The following CCDC13 variants were observed in gnomAD, a reference collection of about 807,000 sequenced individuals.
CCDC13 encodes coiled-coil domain-containing protein 13.
Under a neutral mutation model 87.3 loss-of-function variants are expected in CCDC13, and 70 were observed. The observed-to-expected ratio is 0.80, with a 90% CI of 0.66 to 0.98. The LOEUF (loss-of-function observed/expected upper bound fraction) is 0.98. CCDC13 is among the 50% of genes least tolerant of loss of function. The probability of loss-of-function intolerance (pLI) is 0.00; values close to 1 mark genes in which losing one functional copy is unlikely to be tolerated. For missense variants in CCDC13, 842 were observed against 892.0 expected (o/e 0.94, Z 0.71); for synonymous variants, 317 against 360.3 (o/e 0.88, Z 1.36).
chr3:42,719,744 T>A (rs1169096953), intron 13 of CCDC13, among the ~76,000 whole-genome samples: 1 of 152,198 alleles, frequency 6.6e-6, no homozygotes, highest in African/African-American at 2.4e-5. Flanking sequence ...TGCTTTCTCT[T>A]TTCACAATGG....
chr3:42,734,197 G>A (rs1471023353), intron 10 of CCDC13, among the ~76,000 whole-genome samples: 1 of 152,188 alleles, frequency 6.6e-6, no homozygotes, highest in African/African-American at 2.4e-5. Flanking sequence ...CCACCAGAGT[G>A]GACAACCGGT....
At chr3:42,715,412 C>T (rs1698408782) in intron 13 of CCDC13, among the ~76,000 whole-genome samples, 2 of 152,024 alleles carry the variant, frequency 1.3e-5, no homozygotes, top group Non-Finnish European at 1.5e-5. Flanking sequence ...AGTTCAAGAC[C>T]AGTCTAGACA....
At chr3:42,736,788 C>T (rs1052407098) in intron 9 of CCDC13, among the ~76,000 whole-genome samples, 1 of 152,140 alleles carries the variant, frequency 6.6e-6, no homozygotes, top group Admixed American at 6.5e-5. Flanking sequence ...TCACCCGCCC[C>T]GGGCCTGCAG....
chr3:42,771,085 G>A (rs1700080351), intron 1 of CCDC13: 2 of 152,204 alleles, frequency 1.3e-5, no homozygotes, highest in South Asian at 4.1e-4. Context: ...TAGGTGAGTA[G>A]ATAACCTGGT....
rs1699150673 is a variant in CCDC13 at position 42,739,684 on chromosome 3, T to A, written c.1114A>T (p.Thr372Ser). The A allele has an allele frequency of 6.2e-7, 1 of 1,614,012 alleles. No homozygotes were observed. The highest frequency in any genetic ancestry group is 8.5e-7 in the Non-Finnish European group (1 of 1,180,018). The change falls in exon 9 of 16, where the codon ACC becomes TCC. Residue 372 changes from threonine to serine, a missense_variant. Thr to Ser is a moderately conservative substitution (Grantham distance 58). Coordinates refer to ENST00000310232, the MANE Select transcript of CCDC13 (RefSeq NM_144719.4). ...TCATGCCGGCCCTTCTCCACCAGGG[T>A]TCCCATCTGACTCTTGAGGGTCTTC... ...EMKTLKSQMG[T>S]LVEKGRHDDE... is the part of the protein sequence containing the mutation.
At position 42,707,166 on chromosome 3, in the gene CCDC13, C is replaced by T. The variant is rs1698198095; in HGVS notation, c.*1814G>A. 6.6e-6 allele frequency among the ~76,000 whole-genome samples: 1 copy of T among 152,176 alleles called. No homozygotes were observed. The highest frequency in any genetic ancestry group is 1.9e-4 in the East Asian group (1 of 5,194). On this transcript the variant is annotated 3_prime_UTR_variant, in exon 16 of 16. Transcript: ENST00000310232. ...CTGTACCCCTCATACTCAGATCACC[C>T]TCTGGAGCTCCTCAGGGCCTGCAGG...
intron 14 of CCDC13, among the ~76,000 whole-genome samples, 162 bp downstream of exon 14, chr3:42,713,000 G>T (rs1698346915): frequency 6.6e-6 from 1 of 152,238 alleles, no homozygotes; most frequent in Non-Finnish European, 1.5e-5. Context: ...GAGGCCTGGG[G>T]AAAAGAACAC....
At chr3:42,735,079 G>A (rs1048250299) in intron 10 of CCDC13, among the ~76,000 whole-genome samples, 2 of 152,196 alleles carry the variant, frequency 1.3e-5, no homozygotes, top group Admixed American at 6.5e-5. Flanking sequence ...AGAGTGCCTA[G>A]GAGGGGAACA....
chr3:42,760,711 C>A (rs892220701), intron 1 of CCDC13, among the ~76,000 whole-genome samples: 1 of 151,220 alleles, frequency 6.6e-6, no homozygotes, highest in African/African-American at 2.4e-5. Context: ...GCCAAGATTG[C>A]GCCATTGCAT....
intron 13 of CCDC13, among the ~76,000 whole-genome samples, chr3:42,725,769 C>T (rs1414077827): frequency 6.6e-6 from 1 of 151,978 alleles, no homozygotes; most frequent in East Asian, 1.9e-4. Context: ...GAGACAAATG[C>T]AGAACACCTC....
intron 10 of CCDC13, among the ~76,000 whole-genome samples, chr3:42,734,348 T>A (rs1698932711): frequency 6.6e-6 from 1 of 152,234 alleles, no homozygotes; most frequent in Non-Finnish European, 1.5e-5. Context: ...TCTTCTCCTG[T>A]GTGCCTGGAG....
chr3:42,709,906 G>T lies in CCDC13; in HGVS notation c.1874-108C>A, dbSNP rs111805448. On this transcript the variant is annotated intron_variant, in intron 14 of 15. Coordinates refer to ENST00000310232, the MANE Select transcript of CCDC13 (RefSeq NM_144719.4). ...TGCCTGCTCTTCCACATGGTGAAAC[G>T]CTACACCGCCTTCGGGGTGCAGGGC... is the stretch of plus-strand genomic sequence containing the variant. 7.2e-3 allele frequency: 6,025 copies of T among 840,786 alleles called. 367 individuals carry two copies. In the Admixed American group the frequency reaches 0.11, roughly 15 times the overall value. 52.1% of individuals were successfully genotyped at this position (840,786 alleles called of 1,614,324 possible).
At chr3:42,731,833 C>T (rs1310720817) in intron 12 of CCDC13, among the ~76,000 whole-genome samples, 1 of 152,182 alleles carries the variant, frequency 6.6e-6, no homozygotes, top group Non-Finnish European at 1.5e-5. Context: ...CTGTAAGCTC[C>T]ATGAGGGTAG....
chr3:42,737,104 C>T (rs959471739), intron 9 of CCDC13, among the ~76,000 whole-genome samples: 18 of 152,162 alleles, frequency 1.2e-4, no homozygotes, highest in South Asian at 6.3e-4. Context: ...TGATGTTCCC[C>T]GCCCTGTGTC....
At chr3:42,716,927 A>G (rs1425489070) in intron 13 of CCDC13, among the ~76,000 whole-genome samples, 1 of 152,256 alleles carries the variant, frequency 6.6e-6, no homozygotes, top group African/African-American at 2.4e-5. Flanking sequence ...CCAAGTGTCC[A>G]TCAACAGATG....
At chr3:42,733,085 A>G in intron 11 of CCDC13, 115 bp from the exon 12 acceptor site, 1 of 803,798 alleles carries the variant, frequency 1.2e-6, no homozygotes, top group South Asian at 1.8e-5. Flanking sequence ...AAACCCTTGC[A>G]GCAGTCCTGT....
At chr3:42,733,675 G>A (rs1698904812) in intron 10 of CCDC13, 66 bp from the exon 11 acceptor site, 18 of 1,520,590 alleles carry the variant, frequency 1.2e-5, no homozygotes, top group African/African-American at 1.4e-5. Context: ...AGGCAGGAGG[G>A]GATCTTGGCT....
At chr3:42,757,239 G>C (rs369794180) in intron 2 of CCDC13, 25 bp from the exon 3 acceptor site, 6 of 1,606,954 alleles carry the variant, frequency 3.7e-6, no homozygotes, top group Non-Finnish European at 5.1e-6. Flanking sequence ...CAGAATTAAT[G>C]CTCCTCCAAG....
At chr3:42,730,300 G>A (rs1052184306) in intron 13 of CCDC13, among the ~76,000 whole-genome samples, 167 bp downstream of exon 13, 1 of 152,080 alleles carries the variant, frequency 6.6e-6, no homozygotes, top group African/African-American at 2.4e-5. Context: ...ACAGTGTGAC[G>A]ACAAGGCCCC....
Sources: allele counts gnomAD v4.1 joint callset (sites outside exome capture counted in the v4.1 genomes callset), GRCh38; gene constraint gnomAD v4.1.1; transcripts MANE v1.5; gene names NCBI Gene and HGNC (gene_info 2026-07-23, HGNC 2026-07-21).